The following CD8B2 variants were observed in gnomAD, a reference collection of about 807,000 sequenced individuals.
The protein encoded by CD8B2 is CD8B family member 2.
Under a neutral mutation model 23.7 loss-of-function variants are expected in CD8B2, and 11 were observed. The ratio of observed to expected loss-of-function variants is 0.46; its 90% CI spans 0.29 to 0.77. The LOEUF (loss-of-function observed/expected upper bound fraction) is 0.77. Ranked by LOEUF, CD8B2 falls within the 30% of genes least tolerant of loss-of-function variation. The pLI, the probability that CD8B2 is intolerant of heterozygous loss-of-function variation, is 0.09. For synonymous variants in CD8B2, 90 were observed against 109.3 expected, an observed-to-expected ratio of 0.82 and a Z score of 1.10; for missense variants, 197 against 270.5, an observed-to-expected ratio of 0.73 and a Z score of 1.91.
intron 5 of CD8B2, among the ~76,000 whole-genome samples, chr2:106,538,588 C>T (rs533067597): frequency 8.5e-5 from 13 of 152,218 alleles, no homozygotes; most frequent in South Asian, 6.2e-4. Flanking sequence ...TATCTAGAGC[C>T]GAGCAGTGTC....
intron 5 of CD8B2, among the ~76,000 whole-genome samples, chr2:106,517,628 A>G (rs1679748925): frequency 6.6e-6 from 1 of 151,608 alleles, no homozygotes; most frequent in Non-Finnish European, 1.5e-5. Context: ...GGGGAGGTTC[A>G]CAGGTAGCCA....
intron 5 of CD8B2, among the ~76,000 whole-genome samples, chr2:106,523,304 T>C (rs6759698): frequency 0.98 from 149,467 of 152,308 alleles, 73,412 homozygotes; most frequent in East Asian, 1. Flanking sequence ...GTTCATTTCC[T>C]CTTTGAGCCC....
At chr2:106,523,425 A>G (rs1311963475) in intron 5 of CD8B2, among the ~76,000 whole-genome samples, 4 of 152,188 alleles carry the variant, frequency 2.6e-5, no homozygotes, top group African/African-American at 9.7e-5. Context: ...GTTTTGGCAG[A>G]GACTCAAAGG....
chr2:106,512,200 T>C (rs796253497), downstream of CD8B2, among the ~76,000 whole-genome samples: 7 of 152,018 alleles, frequency 4.6e-5, no homozygotes, highest in African/African-American at 1.7e-4. Flanking sequence ...CTCAGCCTCC[T>C]GAGTTTCTGG....
At chr2:106,520,393 G>A (rs1324884600) in intron 5 of CD8B2, among the ~76,000 whole-genome samples, 1 of 152,096 alleles carries the variant, frequency 6.6e-6, no homozygotes, top group Non-Finnish European at 1.5e-5. Context: ...CCCTACCTGG[G>A]GCCTTTCCAG....
At chr2:106,517,711 G>T (rs867232067) in intron 5 of CD8B2, among the ~76,000 whole-genome samples, 171 of 150,134 alleles carry the variant, frequency 1.1e-3, no homozygotes, top group African/African-American at 3.7e-3. Flanking sequence ...TTTTTTTTTT[G>T]TTTTTTTGTT....
At chr2:106,496,591 T>C (rs1679304580) in intron 3 of CD8B2, among the ~76,000 whole-genome samples, 1 of 152,142 alleles carries the variant, frequency 6.6e-6, no homozygotes, top group East Asian at 1.9e-4. Context: ...ATTAACAAAA[T>C]GTGGCTTATT....
At chr2:106,521,870 G>A (rs1483283490) in intron 5 of CD8B2, 1 of 152,234 alleles carries the variant, frequency 6.6e-6, no homozygotes. Context: ...GGCGTCCCCT[G>A]GGGCTCCTGT....
At chr2:106,491,497 G>T (rs1256863825) in intron 2 of CD8B2, among the ~76,000 whole-genome samples, 1 of 152,194 alleles carries the variant, frequency 6.6e-6, no homozygotes, top group East Asian at 1.9e-4. Context: ...AGATGAAATT[G>T]GAAGAGACGG....
Position 106,522,939 on chromosome 2 carries a change from G to T in CD8B2, c.620+18614G>T, listed in dbSNP as rs186774439. ...TGGGCACAAACTGCACTGCACCCAGGAACTTAGAGACCCCCACTTGACTTA... is the reference window on the plus strand; with the variant it reads ...TGGGCACAAACTGCACTGCACCCAGTAACTTAGAGACCCCCACTTGACTTA... On this transcript the variant is annotated intron_variant, in intron 5 of 5. Coordinates refer to the CD8B2 transcript ENST00000416057. Among the ~76,000 whole-genome samples the T allele has an allele frequency of 1.1e-3, 170 of 152,194 alleles. 2 individuals are homozygous for T. The highest frequency in any genetic ancestry group is 4.0e-3 in the African/African-American group (165 of 41,544).
At chr2:106,491,317 T>C (rs1679192363) in intron 2 of CD8B2, 84 bp downstream of exon 2, 7 of 1,218,432 alleles carry the variant, frequency 5.7e-6, no homozygotes, top group Non-Finnish European at 8.3e-6. Flanking sequence ...GGCTTCAGTG[T>C]GCCCCTGTCT....
intron 2 of CD8B2, among the ~76,000 whole-genome samples, 174 bp downstream of exon 2, chr2:106,491,407 T>A (rs539197229): frequency 3.9e-4 from 60 of 152,100 alleles, no homozygotes; most frequent in Non-Finnish European, 7.5e-4. Context: ...CCCCTCCAAG[T>A]GTTTACATAG....
intron 3 of CD8B2, among the ~76,000 whole-genome samples, chr2:106,502,055 G>A (rs1225547088): frequency 6.6e-6 from 1 of 151,914 alleles, no homozygotes; most frequent in Non-Finnish European, 1.5e-5. Flanking sequence ...CAGCACTTTG[G>A]GAGGCCAAGG....
chr2:106,518,889 C>T (rs1290426941), intron 5 of CD8B2, among the ~76,000 whole-genome samples: 2 of 151,712 alleles, frequency 1.3e-5, no homozygotes, highest in African/African-American at 4.8e-5. Context: ...CCCTTCAGCC[C>T]TCCAACCATC....
chr2:106,517,225 T>C (rs896585006), intron 5 of CD8B2, among the ~76,000 whole-genome samples: 4 of 152,026 alleles, frequency 2.6e-5, no homozygotes, highest in Non-Finnish European at 5.9e-5. Context: ...TTCTGGAGAA[T>C]AGTCTTGTTT....
At chr2:106,525,288 A>T (rs1159895580) in intron 5 of CD8B2, among the ~76,000 whole-genome samples, 2 of 152,124 alleles carry the variant, frequency 1.3e-5, no homozygotes, top group Non-Finnish European at 2.9e-5. Flanking sequence ...AGAACTCATT[A>T]TCCTGTTGGG....
At chr2:106,523,504 GTC>G in intron 5 of CD8B2, among the ~76,000 whole-genome samples, 1 of 152,284 alleles carries the variant, frequency 6.6e-6, no homozygotes, top group East Asian at 1.9e-4. Flanking sequence ...ACTGGAGGCT[GTC>G]GGTCTGGGGT....
intron 3 of CD8B2, among the ~76,000 whole-genome samples, chr2:106,499,081 C>T (rs974209855): frequency 2.6e-5 from 4 of 152,146 alleles, no homozygotes; most frequent in East Asian, 1.9e-4. Flanking sequence ...CAACTTTTCC[C>T]GGAGAGTCAC....
chr2:106,495,265 C>T (rs1297814131), intron 2 of CD8B2, among the ~76,000 whole-genome samples: 2 of 150,430 alleles, frequency 1.3e-5, no homozygotes, highest in Non-Finnish European at 3.0e-5. Context: ...GGTGCGGTGG[C>T]TCGTACCTGT....
Sources: allele counts gnomAD v4.1 joint callset (sites outside exome capture counted in the v4.1 genomes callset), GRCh38; gene constraint gnomAD v4.1.1; transcripts MANE v1.5; gene names NCBI Gene and HGNC (gene_info 2026-07-23, HGNC 2026-07-21).